Variants in CSMD3 observed in about 807,000 individuals in gnomAD.
CSMD3 encodes CUB and sushi domain-containing protein 3.
In CSMD3, 177 loss-of-function variants were observed where a neutral mutation model predicts 435.2. The observed-to-expected ratio is 0.41, with a 90% CI of 0.36 to 0.46. The LOEUF is 0.46. Ranked by LOEUF, CSMD3 falls within the 20% of genes least tolerant of loss-of-function variation. The pLI, the probability that CSMD3 is intolerant of heterozygous loss-of-function variation, is 0.34. For missense variants in CSMD3, 4,265 were observed against 4,504.6 expected (o/e 0.95, Z 1.52); for synonymous variants, 1,656 against 1,520.5 (o/e 1.09, Z -2.07).
chr8:113,155,471 T>C (rs1318811393), intron 4 of CSMD3, among the ~76,000 whole-genome samples: 1 of 151,972 alleles, frequency 6.6e-6, no homozygotes, highest in East Asian at 1.9e-4. Flanking sequence ...AAGAATAACA[T>C]AAATTCCAAT....
At chr8:112,801,322 A>G (rs753754959) in intron 12 of CSMD3, among the ~76,000 whole-genome samples, 13 of 152,056 alleles carry the variant, frequency 8.5e-5, no homozygotes, top group Non-Finnish European at 1.3e-4. Flanking sequence ...GGAAGTGACT[A>G]TGGCAGCAAA....
chr8:113,321,427 C>A (rs2132709082), intron 1 of CSMD3, among the ~76,000 whole-genome samples: 1 of 152,112 alleles, frequency 6.6e-6, no homozygotes, highest in Non-Finnish European at 1.5e-5. Flanking sequence ...AGGAGTGGGG[C>A]ACACATATAC....
In CSMD3 at chr8:112,301,959, G is replaced by A. The variant is rs776119486; in HGVS notation, c.8274C>T (p.Ser2758=). ...TTGGAGGTGTAGGTAGTTCTCCACA[G>A]GAAATAACTTTAAAATGATAAATAA... ...RNERPYCQII[S]CGELPTPPNG... Residue 2758 remains serine, a synonymous_variant, in exon 53 of 71, where the codon TCC becomes TCT. Transcript: ENST00000297405. 1 of 1,599,216 alleles carries A rather than the reference G, an allele frequency of 6.3e-7. No individual in the cohort carries two copies. The highest frequency in any genetic ancestry group is 8.6e-7 in the Non-Finnish European group (1 of 1,166,878).
At chr8:113,162,665 C>G (rs554591474) in intron 4 of CSMD3, among the ~76,000 whole-genome samples, 6 of 151,066 alleles carry the variant, frequency 4.0e-5, no homozygotes, top group African/African-American at 1.5e-4. Flanking sequence ...TGATGTTGCA[C>G]TTTAACCTTA....
intron 32 of CSMD3, among the ~76,000 whole-genome samples, chr8:112,434,502 C>T (rs970636955): frequency 3.9e-5 from 6 of 152,178 alleles, no homozygotes; most frequent in East Asian, 1.9e-4. Flanking sequence ...CTCTTCAGTA[C>T]TTATAATCTA....
chr8:113,376,880 A>G (rs749532120), intron 1 of CSMD3: 7 of 1,608,160 alleles, frequency 4.4e-6, no homozygotes, highest in Non-Finnish European at 6.0e-6. Flanking sequence ...TGGAAGATGA[A>G]GCTTCCTGGC....
intron 16 of CSMD3, among the ~76,000 whole-genome samples, chr8:112,673,874 G>C (rs1285355271): frequency 2.0e-5 from 3 of 152,058 alleles, no homozygotes; most frequent in Non-Finnish European, 4.4e-5. Context: ...TGAGGGCAAG[G>C]GAGTTCTTGC....
At chr8:112,796,447 C>A (rs1158058768) in intron 13 of CSMD3, among the ~76,000 whole-genome samples, 1 of 151,968 alleles carries the variant, frequency 6.6e-6, no homozygotes, top group Non-Finnish European at 1.5e-5. Flanking sequence ...ATTCTTACCT[C>A]TTATCGTTCT....
At chr8:112,615,575 T>C (rs1185117367) in intron 22 of CSMD3, among the ~76,000 whole-genome samples, 12 of 152,094 alleles carry the variant, frequency 7.9e-5, no homozygotes, top group Non-Finnish European at 1.5e-5. Flanking sequence ...GGACAACATA[T>C]AGAATACGCC....
chr8:112,666,372 G>C lies in CSMD3; in HGVS notation c.2721C>G (p.Leu907=), dbSNP rs145310184. 3 of 1,612,530 alleles carry C rather than the reference G, an allele frequency of 1.9e-6. No homozygotes were observed. Among genetic ancestry groups the C allele is most frequent in the Middle Eastern group, 1.7e-4 (1 of 6,060 alleles). The part of the protein sequence containing the change: ...GHFSAPSGVI[L]SPGWPGYYKD... The stretch of plus-strand genomic sequence containing the variant: ...TGTAGTATCCTGGCCATCCTGGTGA[G>C]AGAATCACTCCACTGGGAGCTGAAA... The change falls in exon 17 of 71, where the codon CTC becomes CTG. Residue 907 remains leucine (L), a synonymous_variant. Coordinates refer to ENST00000297405, the MANE Select transcript of CSMD3 (RefSeq NM_198123.2).
chr8:112,670,122 T>C (rs1310368135), intron 16 of CSMD3, among the ~76,000 whole-genome samples: 4 of 152,088 alleles, frequency 2.6e-5, no homozygotes. Flanking sequence ...AGAGATTCTG[T>C]TTAATTTGAA....
intron 23 of CSMD3, among the ~76,000 whole-genome samples, chr8:112,574,874 C>A (rs991742723): frequency 6.6e-6 from 1 of 151,822 alleles, no homozygotes; most frequent in Non-Finnish European, 1.5e-5. Flanking sequence ...TACTCATGGC[C>A]TGGTATTAGA....
chr8:112,611,656 A>G (rs571301236), intron 22 of CSMD3, among the ~76,000 whole-genome samples: 2 of 152,258 alleles, frequency 1.3e-5, no homozygotes, highest in African/African-American at 2.4e-5. Context: ...GATCTGACTC[A>G]TAAGTACTAG....
At chr8:113,240,990 G>A (rs866991506) in intron 3 of CSMD3, among the ~76,000 whole-genome samples, 12 of 152,028 alleles carry the variant, frequency 7.9e-5, no homozygotes, top group South Asian at 2.1e-4. Flanking sequence ...GGATTATTAC[G>A]GGAACAAGTT....
chr8:112,360,117 C>T (rs543541752), intron 38 of CSMD3, among the ~76,000 whole-genome samples: 4 of 152,040 alleles, frequency 2.6e-5, no homozygotes, highest in African/African-American at 7.2e-5. Flanking sequence ...ACAATTTCAC[C>T]TTCCTTTGGT....
intron 32 of CSMD3, among the ~76,000 whole-genome samples, chr8:112,419,693 G>A (rs1234546115): frequency 6.6e-6 from 1 of 152,062 alleles, no homozygotes; most frequent in Non-Finnish European, 1.5e-5. Flanking sequence ...TTTCAAAACT[G>A]CCTATTTGAC....
intron 40 of CSMD3, among the ~76,000 whole-genome samples, chr8:112,346,447 T>G (rs1825679648): frequency 6.6e-6 from 1 of 152,016 alleles, no homozygotes; most frequent in South Asian, 2.1e-4. Flanking sequence ...GGAAAGTAAA[T>G]CAATTATTGC....
chr8:112,831,695 C>T (rs980491521), intron 11 of CSMD3, among the ~76,000 whole-genome samples: 1 of 151,826 alleles, frequency 6.6e-6, no homozygotes, highest in South Asian at 2.1e-4. Context: ...TGCTTGTCTA[C>T]TTGTTATCAT....
chr8:112,374,207 A>G (rs1250934247), intron 38 of CSMD3, among the ~76,000 whole-genome samples: 3 of 152,178 alleles, frequency 2.0e-5, no homozygotes, highest in Non-Finnish European at 1.5e-5. Flanking sequence ...AACATATTAT[A>G]AAATTTTAAA....
Sources: gnomAD v4.1 joint callset for allele counts (sites outside exome capture counted in the v4.1 genomes callset) on GRCh38, gnomAD v4.1.1 for gene constraint, MANE v1.5 for transcripts, NCBI Gene and HGNC (gene_info 2026-07-23, HGNC 2026-07-21) for gene names.